PCDH7: variants seen among roughly 807,000 people sequenced by gnomAD.
The protein encoded by PCDH7 is protocadherin 7.
PCDH7 carries 17 observed loss-of-function variants against 58.9 expected under a neutral mutation model. That is an observed-to-expected ratio of 0.29 (90% CI 0.20 to 0.43). PCDH7 has a LOEUF of 0.43. PCDH7 is among the 20% of genes least tolerant of loss of function. The probability of loss-of-function intolerance (pLI) is 1.00; values close to 1 mark genes in which losing one functional copy is unlikely to be tolerated. For synonymous variants in PCDH7, 664 were observed against 616.4 expected, an observed-to-expected ratio of 1.08 and a Z score of -1.14; for missense variants, 1,274 against 1,441.0, an observed-to-expected ratio of 0.88 and a Z score of 1.88.
chr4:30,968,417 G>GATATATATATATATATATAT (rs1560541749), intron 3 of PCDH7, among the ~76,000 whole-genome samples: 1 of 20,942 alleles, frequency 4.8e-5, no homozygotes, highest in African/African-American at 1.4e-4. Context: ...TATATATATG[G>GATATATATATATATATATAT]GATATTATGT....
chr4:31,004,400 G>A (rs1752599811), intron 3 of PCDH7, among the ~76,000 whole-genome samples: 1 of 152,034 alleles, frequency 6.6e-6, no homozygotes, highest in Non-Finnish European at 1.5e-5. Context: ...GAAATAAGGA[G>A]TGAGACTGAT....
chr4:30,756,654 C>T (rs143759783), intron 1 of PCDH7, among the ~76,000 whole-genome samples: 34 of 152,262 alleles, frequency 2.2e-4, no homozygotes, highest in African/African-American at 6.5e-4. Context: ...CTGTATGTTA[C>T]GCCACTACCT....
At chr4:31,133,799 C>G (rs1719267006) in intron 3 of PCDH7, among the ~76,000 whole-genome samples, 1 of 152,190 alleles carries the variant, frequency 6.6e-6, no homozygotes, top group Non-Finnish European at 1.5e-5. Flanking sequence ...CGTACAGAAT[C>G]TCCACTCTAT....
intron 3 of PCDH7, among the ~76,000 whole-genome samples, chr4:31,019,727 CCA>C (rs921969640): frequency 1.1e-4 from 16 of 151,730 alleles, no homozygotes; most frequent in African/African-American, 3.1e-4. Context: ...TTTGTGGAAC[CCA>C]CAGTTAACTA....
At chr4:31,052,412 T>C (rs1179394241) in intron 3 of PCDH7, among the ~76,000 whole-genome samples, 7 of 152,156 alleles carry the variant, frequency 4.6e-5, no homozygotes, top group Non-Finnish European at 1.0e-4. Flanking sequence ...TCTTGGAGTT[T>C]ACAATTCAGT....
intron 3 of PCDH7, among the ~76,000 whole-genome samples, chr4:30,961,716 T>C (rs774811658): frequency 5.3e-5 from 8 of 152,226 alleles, no homozygotes; most frequent in Middle Eastern, 3.2e-3. Context: ...CATATGATTA[T>C]TGCCAATTAA....
chr4:31,102,586 G>T (rs1578802102), intron 3 of PCDH7, among the ~76,000 whole-genome samples: 1 of 151,578 alleles, frequency 6.6e-6, no homozygotes, highest in Admixed American at 6.6e-5. Context: ...AGCCAGTGTG[G>T]TGGTGGAACC....
intron 3 of PCDH7, among the ~76,000 whole-genome samples, chr4:31,019,182 A>G (rs1753833535): frequency 6.6e-6 from 1 of 152,150 alleles, no homozygotes; most frequent in Admixed American, 6.5e-5. Flanking sequence ...AAAAAAAAAG[A>G]TAAATGTCTA....
At chr4:30,989,507 G>GA (rs1751275610) in intron 3 of PCDH7, among the ~76,000 whole-genome samples, 1 of 152,136 alleles carries the variant, frequency 6.6e-6, no homozygotes, top group South Asian at 2.1e-4. Flanking sequence ...CATTATGCCT[G>GA]AAAGTCTCTA....
In PCDH7 at chr4:30,960,159, G is replaced by A. The variant is rs867990565; in HGVS notation, c.*7+9944G>A. On this transcript the variant is annotated intron_variant, in intron 3 of 3. Transcript: ENST00000509759. ...GAAGGAAGGAAGGAAGGAAGGGAGG[G>A]AGGGAGGGAGGGAGGAAGAAAGATT... is the stretch of plus-strand genomic sequence containing the variant. Among the ~76,000 whole-genome samples, 246 of 70,590 alleles carry A rather than the reference G, an allele frequency of 3.5e-3. 1 individual carries two copies. Among genetic ancestry groups the A allele is most frequent in the African/African-American group, 7.7e-3 (85 of 11,050 alleles). The allele number at this position is 70,590 out of a possible 152,430, so 46.3% of individuals were successfully genotyped here. A position where few individuals can be genotyped will look rare whatever the true frequency, so the allele number is the denominator to read the frequency against.
At chr4:31,145,666 C>G (rs1400531173), downstream of PCDH7, 1 of 151,976 alleles carries the variant, frequency 6.6e-6, no homozygotes, top group East Asian at 1.9e-4. Context: ...TGCCTTCTGA[C>G]AAACTCAGAT....
chr4:31,093,126 C>T (rs1713482303), intron 3 of PCDH7, among the ~76,000 whole-genome samples: 1 of 152,018 alleles, frequency 6.6e-6, no homozygotes. Flanking sequence ...GATGATGTAT[C>T]CTTATTTCCC....
intron 2 of PCDH7, among the ~76,000 whole-genome samples, chr4:30,946,690 T>TGTGTGTGTGTGTGTGTG (rs1746724379): frequency 7.3e-6 from 1 of 137,554 alleles, no homozygotes. Flanking sequence ...CTTATCTCTT[T>TGTGTGTGTGTGTGTGTG]TGTGTGTGTG....
chr4:31,079,917 A>T (rs938364594), intron 3 of PCDH7, among the ~76,000 whole-genome samples: 1 of 152,168 alleles, frequency 6.6e-6, no homozygotes, highest in East Asian at 1.9e-4. Context: ...AAAAAGGAAC[A>T]CAAAATGATG....
intron 3 of PCDH7, among the ~76,000 whole-genome samples, chr4:30,968,368 TAC>T (rs1433603042): frequency 2.7e-4 from 31 of 115,954 alleles, no homozygotes; most frequent in African/African-American, 9.3e-4. Context: ...ACTATATATA[TAC>T]ACACACTATA....
intron 3 of PCDH7, among the ~76,000 whole-genome samples, chr4:31,102,123 T>A (rs1319744794): frequency 2.0e-5 from 3 of 152,166 alleles, no homozygotes; most frequent in African/African-American, 7.2e-5. Context: ...GAATTGTTAC[T>A]GTAAATGAAA....
chr4:30,840,175 C>T (rs1358511566), intron 1 of PCDH7, among the ~76,000 whole-genome samples: 1 of 151,720 alleles, frequency 6.6e-6, no homozygotes, highest in Non-Finnish European at 1.5e-5. Flanking sequence ...ATGTCCTTAT[C>T]TGCCTGCTAG....
intron 3 of PCDH7, among the ~76,000 whole-genome samples, chr4:31,135,770 G>A (rs965683075): frequency 1.1e-4 from 16 of 152,094 alleles, no homozygotes; most frequent in Admixed American, 6.6e-4. Flanking sequence ...CACACTAAGT[G>A]AGACAAAAAA....
chr4:30,822,552 T>C (rs1194927971), intron 1 of PCDH7, among the ~76,000 whole-genome samples: 1 of 152,192 alleles, frequency 6.6e-6, no homozygotes. Context: ...GTGGGGATAT[T>C]GTGTGCATTT....
Sources: allele counts gnomAD v4.1 joint callset (sites outside exome capture counted in the v4.1 genomes callset), GRCh38; gene constraint gnomAD v4.1.1; transcripts MANE v1.5; gene names NCBI Gene and HGNC (gene_info 2026-07-23, HGNC 2026-07-21).